Variants in MICAL2 observed in about 807,000 individuals in gnomAD.
The protein encoded by MICAL2 is microtubule associated monooxygenase, calponin and LIM domain containing 2.
A neutral mutation model predicts 127.3 loss-of-function variants in MICAL2; 77 were observed. The ratio of observed to expected loss-of-function variants is 0.60; its 90% CI spans 0.50 to 0.73. MICAL2 has a LOEUF of 0.73. Ranked by LOEUF, MICAL2 falls within the 30% of genes least tolerant of loss-of-function variation. The pLI is 0.00. For missense variants in MICAL2, 1,351 were observed against 1,434.4 expected (o/e 0.94, Z 0.94); for synonymous variants, 570 against 551.1 (o/e 1.03, Z -0.48).
At chr11:12,235,169 A>G (rs868330742) in intron 15 of MICAL2, among the ~76,000 whole-genome samples, 13 of 152,134 alleles carry the variant, frequency 8.5e-5, no homozygotes, top group African/African-American at 3.1e-4. Flanking sequence ...CCCAGCGACA[A>G]GGGTAGGCTT....
chr11:12,177,088 T>G (rs1856924585), intron 3 of MICAL2, among the ~76,000 whole-genome samples: 1 of 152,210 alleles, frequency 6.6e-6, no homozygotes, highest in African/African-American at 2.4e-5. Flanking sequence ...GTCCTATTGT[T>G]TTCAAGTAGT....
At chr11:12,341,752 G>A (rs11022315) in intron 32 of MICAL2, among the ~76,000 whole-genome samples, 14,095 of 152,194 alleles carry the variant, frequency 0.093, 874 homozygotes, top group South Asian at 0.22. Context: ...GCTTGAACCC[G>A]GGAGGTGGAG....
At chr11:12,349,379 G>A (rs1358594522) in intron 32 of MICAL2, among the ~76,000 whole-genome samples, 1 of 152,144 alleles carries the variant, frequency 6.6e-6, no homozygotes, top group Non-Finnish European at 1.5e-5. Context: ...AATGTGGCAT[G>A]AGCTTCCCTG....
chr11:12,236,281 G>A (rs754862198), intron 16 of MICAL2, 36 bp downstream of exon 16: 92 of 1,599,426 alleles, frequency 5.8e-5, no homozygotes, highest in Admixed American at 8.3e-5. Context: ...ACAGAGGCTC[G>A]TTTCCTGACA....
At chr11:12,176,263 C>A (rs1200165777) in intron 3 of MICAL2, among the ~76,000 whole-genome samples, 1 of 152,134 alleles carries the variant, frequency 6.6e-6, no homozygotes, top group African/African-American at 2.4e-5. Context: ...TCCTGAATAC[C>A]CATGACACTT....
At chr11:12,278,619 T>C (rs934788803) in intron 1 of MICAL2, among the ~76,000 whole-genome samples, 8 of 152,158 alleles carry the variant, frequency 5.3e-5, no homozygotes, top group Non-Finnish European at 1.0e-4. Context: ...CAGGCCTCGC[T>C]TTGGGGAATG....
intron 26 of MICAL2, chr11:12,261,262 A>G: frequency 6.1e-6 from 6 of 985,458 alleles, no homozygotes; most frequent in African/African-American, 1.7e-5. Flanking sequence ...ACAGAAACCA[A>G]TTTCACACTG....
At chr11:12,339,859 G>A (rs1048099061) in intron 32 of MICAL2, among the ~76,000 whole-genome samples, 1 of 152,222 alleles carries the variant, frequency 6.6e-6, no homozygotes, top group African/African-American at 2.4e-5. Flanking sequence ...TGCCCCTACT[G>A]GGGGGTGCCT....
chr11:12,130,297 G>A (rs1212689106), intron 1 of MICAL2, among the ~76,000 whole-genome samples: 1 of 152,190 alleles, frequency 6.6e-6, no homozygotes, highest in Non-Finnish European at 1.5e-5. Flanking sequence ...ACTGAAGGTG[G>A]AGGAGGCAAG....
intron 30 of MICAL2, among the ~76,000 whole-genome samples, chr11:12,320,018 G>A (rs549367854): frequency 7.2e-5 from 11 of 151,726 alleles, no homozygotes; most frequent in Non-Finnish European, 1.6e-4. Context: ...TTTCTCAGAC[G>A]CAAATTTGGG....
chr11:12,289,245 C>G (rs570366326), downstream of MICAL2, among the ~76,000 whole-genome samples: 3 of 152,348 alleles, frequency 2.0e-5, no homozygotes, highest in East Asian at 5.8e-4. Context: ...CACAAAACAA[C>G]CCTAAGGGCC....
intron 11 of MICAL2, 120 bp from the exon 12 acceptor site, chr11:12,223,291 C>A: frequency 1.2e-6 from 1 of 830,198 alleles, no homozygotes; most frequent in Non-Finnish European, 2.0e-6. Context: ...GAAGGTCATG[C>A]CTCCCAGCAG....
rs563975654 is a variant in MICAL2 at position 12,172,102 on chromosome 11, C to G, written c.264+9683C>G. 2.6e-5 allele frequency among the ~76,000 whole-genome samples: 4 copies of G among 152,246 alleles called. No homozygotes were observed. The East Asian group carries it at 5.8e-4, about 22-fold the overall frequency. On this transcript the variant is annotated intron_variant, in intron 3 of 27. Coordinates refer to ENST00000683283, the MANE Select transcript of MICAL2 (RefSeq NM_001282663.2). ...CCTCATGCTTGTCACCTTGTAGTCA[C>G]AAGGTGGCTGCTGCAGCTCCAGCCA...
In MICAL2 at chr11:12,259,876, A is replaced by G. The variant is rs900907600; in HGVS notation, c.3313A>G (p.Thr1105Ala). The G allele has an allele frequency of 2.6e-5, 42 of 1,610,898 alleles. No homozygotes were observed. Among genetic ancestry groups the G allele is most frequent in the Non-Finnish European group, 3.3e-5 (39 of 1,178,140 alleles). The stretch of plus-strand genomic sequence containing the variant: ...TTCTTGCGCAGTGGCCGCCATTGGC[A>G]CCCTGGAAGGCAGCCCCCCAGGTAT... ...ESSCAVAAIG[T>A]LEGSPPVHFS... The change falls in exon 26 of 28, where the codon ACC becomes GCC. Residue 1105 changes from threonine (T) to alanine (A), a missense_variant. Thr to Ala is a moderately conservative substitution (Grantham distance 58). This residue lies in a region of MICAL2 where 752 missense variants were observed against 719.4 expected (regional missense o/e 1.05). Coordinates refer to ENST00000683283, the MANE Select transcript of MICAL2 (RefSeq NM_001282663.2).
At chr11:12,283,468 A>G (rs1315109823) in intron 2 of MICAL2, among the ~76,000 whole-genome samples, 1 of 152,252 alleles carries the variant, frequency 6.6e-6, no homozygotes, top group Non-Finnish European at 1.5e-5. Context: ...AAAACGCAGT[A>G]TATCCATACA....
At chr11:12,205,282 C>G (rs1854537318) in intron 4 of MICAL2, among the ~76,000 whole-genome samples, 1 of 152,162 alleles carries the variant, frequency 6.6e-6, no homozygotes, top group Admixed American at 6.5e-5. Flanking sequence ...CTTCCTGCAG[C>G]TTTGCAGTGG....
intron 32 of MICAL2, among the ~76,000 whole-genome samples, chr11:12,328,276 T>A (rs1262031791): frequency 2.0e-5 from 3 of 152,154 alleles, no homozygotes; most frequent in South Asian, 2.1e-4. Context: ...AAAGAGGTAA[T>A]CCACAATACA....
At chr11:12,267,087 G>A (rs1863616925), downstream of MICAL2, among the ~76,000 whole-genome samples, 1 of 152,220 alleles carries the variant, frequency 6.6e-6, no homozygotes, top group Non-Finnish European at 1.5e-5. Flanking sequence ...TGATTCCCCA[G>A]CCTTCTTAAA....
chr11:12,222,648 A>G lies in MICAL2; in HGVS notation c.1354A>G (p.Thr452Ala). The change falls in exon 11 of 28, where the codon ACC becomes GCC. Residue 452 changes from threonine (T) to alanine (A), a missense_variant. Coordinates refer to ENST00000683283, the MANE Select transcript of MICAL2 (RefSeq NM_001282663.2). ...ESLYRLLPQT[T>A]PENINKNFEQ... ...TCTCTACCGGCTGTTACCTCAGACA[A>G]CCCCGGAGAACATCAACAAGAACTT... 1 of 1,614,142 alleles carries G rather than the reference A, an allele frequency of 6.2e-7. No individual in the cohort carries two copies. Among genetic ancestry groups the G allele is most frequent in the Middle Eastern group, 1.6e-4 (1 of 6,062 alleles).
Sources: allele counts gnomAD v4.1 joint callset (sites outside exome capture counted in the v4.1 genomes callset), GRCh38; gene constraint gnomAD v4.1.1; regional missense constraint gnomAD v4.1.1; transcripts MANE v1.5; gene names NCBI Gene and HGNC (gene_info 2026-07-23, HGNC 2026-07-21).